Variants in PCBP3 observed in about 807,000 individuals in gnomAD.
The protein encoded by PCBP3 is poly(rC) binding protein 3.
In PCBP3, 25 loss-of-function variants were observed where a neutral mutation model predicts 52.7. The ratio of observed to expected loss-of-function variants is 0.47; its 90% CI spans 0.35 to 0.66. The LOEUF (loss-of-function observed/expected upper bound fraction) is 0.66, where lower values mean the gene tolerates loss of function less well. PCBP3 is among the 30% of genes least tolerant of loss of function. The pLI is 0.01. For missense variants in PCBP3, 391 were observed against 490.3 expected (o/e 0.80, Z 1.91); for synonymous variants, 162 against 183.0 (o/e 0.89, Z 0.93).
At chr21:45,838,336 C>CT (rs1261890272) in intron 4 of PCBP3, among the ~76,000 whole-genome samples, 2 of 152,138 alleles carry the variant, frequency 1.3e-5, no homozygotes, top group East Asian at 3.9e-4. Context: ...CCCACCTTAC[C>CT]TTTTATATTT....
chr21:45,904,976 G>A lies in PCBP3; in HGVS notation c.339+3863G>A, dbSNP rs139944352. ...TTCATCAATTTGTCTACAGCATGAT[G>A]AGTAGTTTCATGGATTGACTTAGCG... On this transcript the variant is annotated intron_variant, in intron 9 of 17. Transcript: ENST00000681687. The surrounding 1 kb of genome is among the most constrained non-coding windows in gnomAD (Gnocchi z 4.8). Among the ~76,000 whole-genome samples, 1 of 152,212 alleles carries A rather than the reference G, an allele frequency of 6.6e-6. No homozygotes were observed. The highest frequency in any genetic ancestry group is 1.5e-5 in the Non-Finnish European group (1 of 68,036).
chr21:45,786,216 C>A (rs7275564), intron 4 of PCBP3, among the ~76,000 whole-genome samples: 148,280 of 148,282 alleles, frequency 1, 74,139 homozygotes, highest in Non-Finnish European at 1. Flanking sequence ...AAAAATAGTG[C>A]CAGTGAGCTC....
chr21:45,910,840 G>A, intron 10 of PCBP3, 62 bp from the exon 11 acceptor site: 2 of 1,513,034 alleles, frequency 1.3e-6, no homozygotes, highest in East Asian at 2.3e-5. Context: ...CGAGACTCGG[G>A]AGGTACTGCT....
intron 4 of PCBP3, chr21:45,760,799 A>G (rs897459311): frequency 6.6e-6 from 1 of 152,188 alleles, no homozygotes; most frequent in Non-Finnish European, 1.5e-5. Context: ...TAAAAGTTCC[A>G]TTGAGGCCGG....
intron 2 of PCBP3, among the ~76,000 whole-genome samples, chr21:45,714,172 T>C (rs970726160): frequency 4.6e-5 from 7 of 152,244 alleles, no homozygotes; most frequent in African/African-American, 1.7e-4. Flanking sequence ...ATCTCTTCTC[T>C]CGACTTTAAA....
chr21:45,890,081 G>GGA (rs2095615868), intron 5 of PCBP3, among the ~76,000 whole-genome samples: 1 of 152,248 alleles, frequency 6.6e-6, no homozygotes. Context: ...TGCCAGGGTG[G>GGA]GAGACGTGGC....
In PCBP3 at chr21:45,899,581, ATTTT is replaced by A; in HGVS notation, c.166-11_166-8del. The A allele has an allele frequency of 6.7e-7, 1 of 1,496,168 alleles. No homozygotes were observed. Among genetic ancestry groups the A allele is most frequent in the Non-Finnish European group, 9.2e-7 (1 of 1,092,454 alleles). 92.7% of individuals were successfully genotyped at this position (1,496,168 alleles called of 1,614,324 possible). A position where few individuals can be genotyped will look rare whatever the true frequency, so the allele number is the denominator to read the frequency against. Reference sequence around the variant, plus strand: ...TGCTCTATGACATCATCTTTCTGTGATTTTTTTTTTCTTGCAGGAAGTTGGAAGC... The same window carrying A: ...TGCTCTATGACATCATCTTTCTGTGATTTTTTCTTGCAGGAAGTTGGAAGC... On this transcript the variant is annotated splice_polypyrimidine_tract_variant and intron_variant, in intron 6 of 17. Coordinates refer to ENST00000681687, the MANE Select transcript of PCBP3 (RefSeq NM_001384156.1).
In PCBP3 at chr21:45,837,444, G is replaced by T. The variant is rs1441849383; in HGVS notation, c.-125-12517G>T. Among the ~76,000 whole-genome samples, 2 of 152,226 alleles carry T rather than the reference G, an allele frequency of 1.3e-5. No homozygotes were observed. The highest frequency in any genetic ancestry group is 1.3e-4 in the Admixed American group (2 of 15,286). On this transcript the variant is annotated intron_variant, in intron 4 of 17. Coordinates refer to ENST00000681687, the MANE Select transcript of PCBP3 (RefSeq NM_001384156.1). The surrounding 1 kb of genome is among the most constrained non-coding windows in gnomAD (Gnocchi z 4.1). ...CTGGCTCTTGGAGCCTAGGGATGGC[G>T]CTGTGAGAACAGGCCACGGCGCCCT...
chr21:45,758,558 C>T (rs1293654257), intron 4 of PCBP3, among the ~76,000 whole-genome samples: 1 of 152,004 alleles, frequency 6.6e-6, no homozygotes, highest in African/African-American at 2.4e-5. Flanking sequence ...TTTGCTTTTC[C>T]ATGCTATTAT....
chr21:45,843,827 G>A (rs754817812), intron 4 of PCBP3, among the ~76,000 whole-genome samples: 1 of 152,136 alleles, frequency 6.6e-6, no homozygotes, highest in Non-Finnish European at 1.5e-5. Context: ...AGGAGAATGT[G>A]TTACCTCTGC....
intron 4 of PCBP3, among the ~76,000 whole-genome samples, chr21:45,820,350 G>A (rs545735723): frequency 2.2e-4 from 34 of 152,328 alleles, no homozygotes; most frequent in African/African-American, 7.2e-4. Flanking sequence ...TTATCTCGTC[G>A]CTTTGCTGTC....
rs1231336254 is a variant in PCBP3, at chr21:45,737,965, C to A, written c.-162+2536C>A. The stretch of plus-strand genomic sequence containing the variant: ...TCCCATGTCTTGGAGGACTCTTCCC[C>A]CTTCCTGAGAGAGAGCGATGAATGT... On this transcript the variant is annotated intron_variant, in intron 3 of 17. Transcript: ENST00000681687. This position sits in a 1 kb window ranked among gnomAD's most constrained non-coding sequence, Gnocchi z 4.9. Among the ~76,000 whole-genome samples the A allele has an allele frequency of 1.3e-5, 2 of 152,170 alleles. No homozygotes were observed. The highest frequency in any genetic ancestry group is 4.8e-5 in the African/African-American group (2 of 41,434).
At chr21:45,746,129 C>T (rs1210915091) in intron 3 of PCBP3, among the ~76,000 whole-genome samples, 3 of 134,124 alleles carry the variant, frequency 2.2e-5, no homozygotes, top group African/African-American at 6.1e-5. Flanking sequence ...GTAGCGCACA[C>T]GGTGTTGTGT....
intron 2 of PCBP3, among the ~76,000 whole-genome samples, chr21:45,695,479 AGTG>A (rs1310272380): frequency 1.3e-5 from 2 of 152,190 alleles, no homozygotes; most frequent in Non-Finnish European, 2.9e-5. Flanking sequence ...GAGTTTCTCC[AGTG>A]GGTCACAGCC....
intron 4 of PCBP3, among the ~76,000 whole-genome samples, chr21:45,835,896 A>G (rs1191937038): frequency 2.0e-5 from 3 of 152,186 alleles, no homozygotes; most frequent in Admixed American, 6.5e-5. Context: ...CCAGGGGAAC[A>G]GGCCCCAGGC....
intron 2 of PCBP3, among the ~76,000 whole-genome samples, chr21:45,677,260 T>C (rs2081528630): frequency 6.6e-6 from 1 of 152,188 alleles, no homozygotes; most frequent in African/African-American, 2.4e-5. Context: ...GCCTTGTTGC[T>C]GATATGGAGA....
chr21:45,861,605 C>T (rs543748372), intron 5 of PCBP3, among the ~76,000 whole-genome samples: 90 of 152,182 alleles, frequency 5.9e-4, no homozygotes, highest in African/African-American at 2.0e-3. Context: ...ATGTGGCCAC[C>T]GTATCCTCCT....
rs751765767 is a variant in PCBP3, at chr21:45,929,970, C to T, written c.771C>T (p.Leu257=). The change falls in exon 14 of 18, where the codon CTC becomes CTT. Residue 257 remains leucine, a synonymous_variant. Coordinates refer to ENST00000681687, the MANE Select transcript of PCBP3 (RefSeq NM_001384156.1). The part of the protein sequence containing the change: ...LAMQQTPFPP[L]GQTNPAFPGE... Reference sequence around the variant, plus strand: ...TGCAGCAAACCCCCTTTCCTCCCCTCGGACAGACCAACCCCGCTTTCCCCG... The same window carrying T: ...TGCAGCAAACCCCCTTTCCTCCCCTTGGACAGACCAACCCCGCTTTCCCCG... The T allele has an allele frequency of 1.4e-5, 22 of 1,613,638 alleles. No individual in the cohort carries two copies. The highest frequency in any genetic ancestry group is 5.5e-5 in the South Asian group (5 of 91,066).
At position 45,928,594 on chromosome 21, in the gene PCBP3, CA is replaced by C. The variant is rs2075785482; in HGVS notation, c.718-1322del. 6.6e-6 allele frequency among the ~76,000 whole-genome samples: 1 copy of C among 152,184 alleles called. No individual in the cohort carries two copies. The highest frequency in any genetic ancestry group is 1.5e-5 in the Non-Finnish European group (1 of 68,010). ...CCCTGGTGTCAGGGAACCCAGGTGC[CA>C]GGGGTGGCCAGGGCAAGCATGGGGG... On this transcript the variant is annotated intron_variant, in intron 13 of 17. Coordinates refer to ENST00000681687, the MANE Select transcript of PCBP3 (RefSeq NM_001384156.1). The surrounding 1 kb of genome is among the most constrained non-coding windows in gnomAD (Gnocchi z 4.1).
Sources: gnomAD v4.1 joint callset for allele counts (sites outside exome capture counted in the v4.1 genomes callset) on GRCh38, gnomAD v4.1.1 for gene constraint, Gnocchi (gnomAD v3.1) non-coding constraint, MANE v1.5 for transcripts, NCBI Gene and HGNC (gene_info 2026-07-23, HGNC 2026-07-21) for gene names.